Variants in SEC24D observed in about 807,000 individuals in gnomAD.
SEC24D encodes the protein SEC24 homolog D, COPII component.
In SEC24D, 69 loss-of-function variants were observed where a neutral mutation model predicts 116.9. That is an observed-to-expected ratio of 0.59 (90% CI 0.49 to 0.72). SEC24D has a LOEUF of 0.72. SEC24D is among the 30% of genes least tolerant of loss of function. The pLI, the probability that SEC24D is intolerant of heterozygous loss-of-function variation, is 0.00. For missense variants in SEC24D, 1,131 were observed against 1,264.1 expected (o/e 0.89, Z 1.60); for synonymous variants, 405 against 442.8 (o/e 0.91, Z 1.07).
rs776443339 is a variant in SEC24D, at chr4:118,795,207, C to CT, written c.1041+2475dup. On this transcript the variant is annotated intron_variant, in intron 8 of 22. Transcript: ENST00000280551. The stretch of plus-strand genomic sequence containing the variant: ...TGCATACAAAGTCAGCACATAAAAA[C>CT]TTTTTTTTTTTTTTGAGACAGAGTC... Among the ~76,000 whole-genome samples the CT allele has an allele frequency of 6.1e-3, 864 of 142,564 alleles. 8 individuals carry two copies. Among genetic ancestry groups the CT allele is most frequent in the Middle Eastern group, 0.05 (14 of 278 alleles). The allele number at this position is 142,564 out of a possible 152,430, so 93.5% of individuals were successfully genotyped here. A position where few individuals can be genotyped will look rare whatever the true frequency, so the allele number is the denominator to read the frequency against.
chr4:118,731,619 C>T, intron 20 of SEC24D, 112 bp from the exon 21 acceptor site: 2 of 790,434 alleles, frequency 2.5e-6, no homozygotes, highest in Non-Finnish European at 4.2e-6. Flanking sequence ...ATAGTGAGTA[C>T]CTATTATGTG....
intron 13 of SEC24D, among the ~76,000 whole-genome samples, chr4:118,745,818 C>T (rs927432244): frequency 6.6e-6 from 1 of 152,166 alleles, no homozygotes; most frequent in African/African-American, 2.4e-5. Flanking sequence ...CTGCACACTG[C>T]TCCAGAGCAC....
intron 6 of SEC24D, among the ~76,000 whole-genome samples, chr4:118,806,927 C>T (rs1729705383): frequency 6.6e-6 from 1 of 151,850 alleles, no homozygotes; most frequent in Non-Finnish European, 1.5e-5. Flanking sequence ...TTCAAGGCTG[C>T]AATAAGCTAT....
intron 10 of SEC24D, among the ~76,000 whole-genome samples, chr4:118,763,883 T>C (rs1050230918): frequency 6.6e-6 from 1 of 152,164 alleles, no homozygotes; most frequent in Admixed American, 6.5e-5. Context: ...AATAGAGATA[T>C]AGACCAAATT....
At chr4:118,827,842 A>G (rs944853828) in intron 2 of SEC24D, among the ~76,000 whole-genome samples, 2 of 152,208 alleles carry the variant, frequency 1.3e-5, no homozygotes, top group African/African-American at 4.8e-5. Flanking sequence ...GGGGACTGTT[A>G]TCAGCAAAGT....
Position 118,768,280 on chromosome 4 carries a change from C to A in SEC24D, c.1073G>T (p.Ser358Ile). The change falls in exon 9 of 23, where the codon AGT becomes ATT. Residue 358 changes from serine to isoleucine, a missense_variant. Ser to Ile is a moderately radical substitution (Grantham distance 142). Coordinates refer to ENST00000280551, the MANE Select transcript of SEC24D (RefSeq NM_014822.4). The stretch of plus-strand genomic sequence containing the variant: ...GCACCTGTTGCATCTGACTGGTCCA[C>A]TCTCGCCGTGATTTACCAAGTAAAG... ...SPLYLVNHGE[S>I]GPVRCNRCKA... 1 of 1,613,822 alleles carries A rather than the reference C, an allele frequency of 6.2e-7. No individual in the cohort carries two copies. Among genetic ancestry groups the A allele is most frequent in the Non-Finnish European group, 8.5e-7 (1 of 1,179,878 alleles).
At chr4:118,768,099 C>T in intron 9 of SEC24D, 74 bp downstream of exon 9, 1 of 1,290,298 alleles carries the variant, frequency 7.8e-7, no homozygotes. Flanking sequence ...ATGTATGCTT[C>T]TCCTAAACTA....
chr4:118,789,925 T>C (rs896182597), intron 8 of SEC24D, among the ~76,000 whole-genome samples: 1 of 152,224 alleles, frequency 6.6e-6, no homozygotes, highest in Admixed American at 6.5e-5. Context: ...TATTTATTTG[T>C]TAAGTCATAA....
At chr4:118,764,714 G>C in intron 10 of SEC24D, 88 bp downstream of exon 10, 2 of 747,638 alleles carry the variant, frequency 2.7e-6, no homozygotes, top group South Asian at 1.9e-5. Context: ...CTTTGTTTGT[G>C]AATCAAGAGT....
chr4:118,834,077 G>T (rs1489077935), intron 1 of SEC24D, among the ~76,000 whole-genome samples: 2 of 152,178 alleles, frequency 1.3e-5, no homozygotes, highest in African/African-American at 4.8e-5. Context: ...GGTTTCCATG[G>T]TCACATTTCA....
chr4:118,744,138 T>C lies in SEC24D; in HGVS notation c.1845A>G (p.Thr615=). The C allele has an allele frequency of 6.4e-7, 1 of 1,572,154 alleles. No homozygotes were observed. ...DKEKILFQPQ[T]NVYDSLAKDC... ...CCTTGGCCAATGAGTCATAGACATTTGTTTGGGGCTGGAAAAGTATCTGGA... is the reference window on the plus strand; with the variant it reads ...CCTTGGCCAATGAGTCATAGACATTCGTTTGGGGCTGGAAAAGTATCTGGA... The change falls in exon 15 of 23, where the codon ACA becomes ACG. Residue 615 remains threonine, a synonymous_variant. Coordinates refer to ENST00000280551, the MANE Select transcript of SEC24D (RefSeq NM_014822.4).
intron 10 of SEC24D, among the ~76,000 whole-genome samples, chr4:118,763,603 A>C (rs530600244): frequency 1.6e-4 from 25 of 152,212 alleles, no homozygotes; most frequent in Non-Finnish European, 3.4e-4. Context: ...AATGATACGC[A>C]AGAAGATGTG....
chr4:118,740,179 C>T (rs1726157837), intron 17 of SEC24D, among the ~76,000 whole-genome samples: 1 of 152,168 alleles, frequency 6.6e-6, no homozygotes, highest in Non-Finnish European at 1.5e-5. Context: ...AAACCATCTA[C>T]AAACCAAGGA....
At chr4:118,750,749 GACCA>G (rs755925675) in intron 13 of SEC24D, among the ~76,000 whole-genome samples, 6 of 152,108 alleles carry the variant, frequency 3.9e-5, no homozygotes, top group African/African-American at 9.7e-5. Flanking sequence ...TCTTTCTGAA[GACCA>G]ACCAATTATT....
chr4:118,796,194 T>G (rs1025723677), intron 8 of SEC24D, among the ~76,000 whole-genome samples: 1 of 152,186 alleles, frequency 6.6e-6, no homozygotes, highest in African/African-American at 2.4e-5. Flanking sequence ...GTTTGAAAAT[T>G]TTCAAAACAC....
At chr4:118,735,134 A>G (rs1323793059) in intron 19 of SEC24D, among the ~76,000 whole-genome samples, 3 of 152,220 alleles carry the variant, frequency 2.0e-5, no homozygotes, top group Non-Finnish European at 4.4e-5. Context: ...GTTGGCCCAC[A>G]ATGACACTAT....
intron 9 of SEC24D, among the ~76,000 whole-genome samples, chr4:118,767,218 G>C (rs1034372831): frequency 6.6e-6 from 1 of 152,200 alleles, no homozygotes; most frequent in Non-Finnish European, 1.5e-5. Flanking sequence ...TAAGGTGGCA[G>C]GGAAATAAGA....
At position 118,777,797 on chromosome 4, in the gene SEC24D, G is replaced by A. The variant is rs141928770; in HGVS notation, c.1042-9486C>T. Among the ~76,000 whole-genome samples the A allele has an allele frequency of 8.8e-3, 1,342 of 152,188 alleles. 26 individuals carry two copies. Among genetic ancestry groups the A allele is most frequent in the African/African-American group, 0.031 (1,285 of 41,514 alleles). On this transcript the variant is annotated intron_variant, in intron 8 of 22. Coordinates refer to ENST00000280551, the MANE Select transcript of SEC24D (RefSeq NM_014822.4). ...GTTGTTTCCTGACTTTTTAATGATC[G>A]CCATTCTAACTGGCGTGAGATGGTA... is the stretch of plus-strand genomic sequence containing the variant.
chr4:118,819,993 A>T (rs965434170), intron 3 of SEC24D, among the ~76,000 whole-genome samples: 3 of 152,280 alleles, frequency 2.0e-5, no homozygotes, highest in South Asian at 4.1e-4. Context: ...ATTCACAAAT[A>T]AATTATTTCT....
Sources: allele counts gnomAD v4.1 joint callset (sites outside exome capture counted in the v4.1 genomes callset), GRCh38; gene constraint gnomAD v4.1.1; transcripts MANE v1.5; gene names NCBI Gene and HGNC (gene_info 2026-07-23, HGNC 2026-07-21).